The following VEPH1 variants were observed in gnomAD, a reference collection of about 807,000 sequenced individuals.
VEPH1 encodes the protein ventricular zone-expressed PH domain-containing protein homolog 1.
A neutral mutation model predicts 85.2 loss-of-function variants in VEPH1; 80 were observed. That is an observed-to-expected ratio of 0.94 (90% CI 0.78 to 1.13). The LOEUF (loss-of-function observed/expected upper bound fraction) is 1.13. Among genes scored for constraint, VEPH1 ranks in the 50% most tolerant of loss-of-function variants. The pLI, the probability that VEPH1 is intolerant of heterozygous loss-of-function variation, is 0.00. For synonymous variants in VEPH1, 297 were observed against 348.0 expected, an observed-to-expected ratio of 0.85 and a Z score of 1.63; for missense variants, 955 against 980.5, an observed-to-expected ratio of 0.97 and a Z score of 0.35.
In VEPH1 at chr3:157,363,591, A is replaced by C. The variant is rs750247365; in HGVS notation, c.1508T>G (p.Leu503Arg). Residue 503 changes from leucine to arginine, a missense_variant, in exon 9 of 14, where the codon CTG becomes CGG. By Grantham distance (102) the Leu-to-Arg change is moderately radical. Transcript: ENST00000362010. The stretch of plus-strand genomic sequence containing the variant: ...TGGGTATGAAACTGAAGACTCCCCC[A>C]GCTGTGATCTCTCAGTGTCTGTCTT... Reference protein sequence around the residue: ...PFKTDTERSQLGESSVSYPNI... With the variant: ...PFKTDTERSQRGESSVSYPNI... 6.2e-7 allele frequency: 1 copy of C among 1,614,154 alleles called. No individual in the cohort carries two copies. Among genetic ancestry groups the C allele is most frequent in the Admixed American group, 1.7e-5 (1 of 60,020 alleles).
chr3:157,482,375 C>T (rs1031342308), intron 2 of VEPH1, among the ~76,000 whole-genome samples: 15 of 152,076 alleles, frequency 9.9e-5, no homozygotes, highest in Non-Finnish European at 2.9e-5. Context: ...CAGGCATGCA[C>T]CACCAGGCCC....
chr3:157,443,338 T>G (rs969137724), intron 4 of VEPH1: 21 of 190,566 alleles, frequency 1.1e-4, no homozygotes, highest in Admixed American at 9.0e-4. Flanking sequence ...AATTTTACAT[T>G]GGAAGAATAA....
chr3:157,409,816 A>G, intron 6 of VEPH1: 1 of 985,382 alleles, frequency 1.0e-6, no homozygotes, highest in Non-Finnish European at 1.2e-6. Context: ...GTGTGATTCC[A>G]GGCCGTCTCT....
At chr3:157,420,471 CT>C (rs1297490418) in intron 5 of VEPH1, among the ~76,000 whole-genome samples, 1 of 152,148 alleles carries the variant, frequency 6.6e-6, no homozygotes, top group Non-Finnish European at 1.5e-5. Flanking sequence ...CATTAAGAAT[CT>C]ACTAATCTCT....
chr3:157,438,052 CA>C, intron 4 of VEPH1: 1 of 735,092 alleles, frequency 1.4e-6, no homozygotes, highest in Non-Finnish European at 2.1e-6. Context: ...CACACACACA[CA>C]CACACACACA....
At position 157,485,281 on chromosome 3, in the gene VEPH1, T is replaced by C. The variant is rs146537859; in HGVS notation, c.138+9931A>G. 7.5e-3 allele frequency among the ~76,000 whole-genome samples: 1,135 copies of C among 152,274 alleles called. 22 individuals are homozygous for C. The highest frequency in any genetic ancestry group is 0.067 in the East Asian group (346 of 5,186). On this transcript the variant is annotated intron_variant, in intron 2 of 13. Coordinates refer to ENST00000362010, the MANE Select transcript of VEPH1 (RefSeq NM_001167912.2). Reference sequence around the variant, plus strand: ...AACAAGGTATCTAATTCAGTTAGAATGGTAACAATATGAAGAACAATATGA... The same window carrying C: ...AACAAGGTATCTAATTCAGTTAGAACGGTAACAATATGAAGAACAATATGA...
intron 4 of VEPH1, among the ~76,000 whole-genome samples, chr3:157,452,613 T>C (rs1735064676): frequency 6.6e-6 from 1 of 152,236 alleles, no homozygotes; most frequent in Admixed American, 6.5e-5. Context: ...CTGATATTTA[T>C]TGAAAGCTGA....
intron 2 of VEPH1, among the ~76,000 whole-genome samples, chr3:157,470,975 T>C (rs968348811): frequency 6.6e-6 from 1 of 152,152 alleles, no homozygotes; most frequent in Admixed American, 6.5e-5. Context: ...ATTTCATCTC[T>C]CCCTTTTCAA....
intron 4 of VEPH1, among the ~76,000 whole-genome samples, chr3:157,456,020 A>G (rs145938312): frequency 6.6e-6 from 1 of 152,026 alleles, no homozygotes. Flanking sequence ...GTGTATAAGC[A>G]TTCCTTTTTC....
chr3:157,307,544 A>G (rs143126099), intron 11 of VEPH1, among the ~76,000 whole-genome samples: 3 of 152,000 alleles, frequency 2.0e-5, no homozygotes, highest in Admixed American at 6.5e-5. Flanking sequence ...TCCCCCTTCT[A>G]TCACCTACCA....
intron 11 of VEPH1, among the ~76,000 whole-genome samples, chr3:157,296,568 T>C (rs1241278205): frequency 1.3e-5 from 2 of 152,210 alleles, no homozygotes; most frequent in Non-Finnish European, 2.9e-5. Flanking sequence ...CTTTTAGCTC[T>C]TCAAACTTGG....
intron 9 of VEPH1, among the ~76,000 whole-genome samples, chr3:157,348,814 C>T (rs1724532369): frequency 6.6e-6 from 1 of 152,242 alleles, no homozygotes; most frequent in African/African-American, 2.4e-5. Context: ...CTGTGGTCCT[C>T]TGACCCCTTG....
chr3:157,317,799 T>G (rs1392407523), intron 9 of VEPH1, among the ~76,000 whole-genome samples: 5 of 152,116 alleles, frequency 3.3e-5, no homozygotes. Flanking sequence ...TGAGGCACCA[T>G]GTGTAGAGAA....
chr3:157,452,260 T>C (rs1335688866), intron 4 of VEPH1, among the ~76,000 whole-genome samples: 1 of 152,094 alleles, frequency 6.6e-6, no homozygotes, highest in Non-Finnish European at 1.5e-5. Context: ...CATCATCTGC[T>C]GAGTGAGCAA....
At chr3:157,371,751 A>G (rs1727512223) in intron 7 of VEPH1, among the ~76,000 whole-genome samples, 2 of 152,272 alleles carry the variant, frequency 1.3e-5, no homozygotes, top group Middle Eastern at 3.4e-3. Flanking sequence ...TAATCTGTGG[A>G]TTATTTGGAG....
chr3:157,330,425 T>A (rs1341428403), intron 9 of VEPH1, among the ~76,000 whole-genome samples: 1 of 152,216 alleles, frequency 6.6e-6, no homozygotes, highest in Non-Finnish European at 1.5e-5. Context: ...GTTGAGCTGT[T>A]GCCCCCAGGA....
At chr3:157,267,801 C>T (rs1257752133) in intron 12 of VEPH1, among the ~76,000 whole-genome samples, 3 of 152,088 alleles carry the variant, frequency 2.0e-5, no homozygotes, top group Non-Finnish European at 4.4e-5. Flanking sequence ...ACTGAAAATA[C>T]ATATCAAATA....
At chr3:157,457,650 T>A (rs928781007) in intron 4 of VEPH1, among the ~76,000 whole-genome samples, 9 of 152,204 alleles carry the variant, frequency 5.9e-5, no homozygotes, top group African/African-American at 1.4e-4. Flanking sequence ...TTTAGTTGTG[T>A]TTATGTGATG....
In VEPH1 at chr3:157,428,424, T is replaced by C. The variant is rs1246607311; in HGVS notation, c.594A>G (p.Arg198=). ...TCAAGGCCAGGAGTTCTGTCAGGTG[T>C]CTATTAATTGGCTGAGGCTGCTTTT... ...VYEKQPQPIN[R]HLTELLALMS... The change falls in exon 5 of 14, where the codon AGA becomes AGG. Residue 198 remains arginine (R), a synonymous_variant. Coordinates refer to ENST00000362010, the MANE Select transcript of VEPH1 (RefSeq NM_001167912.2). The C allele has an allele frequency of 1.9e-6, 3 of 1,614,034 alleles. No individual in the cohort carries two copies. Among genetic ancestry groups the C allele is most frequent in the Admixed American group, 1.7e-5 (1 of 60,006 alleles).
Sources: gnomAD v4.1 joint callset for allele counts (sites outside exome capture counted in the v4.1 genomes callset) on GRCh38, gnomAD v4.1.1 for gene constraint, MANE v1.5 for transcripts, NCBI Gene and HGNC (gene_info 2026-07-23, HGNC 2026-07-21) for gene names.